Variants in GPR158 observed in about 807,000 individuals in gnomAD.
The protein encoded by GPR158 is metabotropic glycine receptor.
In GPR158, 30 loss-of-function variants were observed where a neutral mutation model predicts 78.2. The observed-to-expected ratio is 0.38, with a 90% CI of 0.29 to 0.52. The LOEUF is 0.52. GPR158 is among the 20% of genes least tolerant of loss of function. GPR158 has a pLI of 0.83. For synonymous variants in GPR158, 581 were observed against 591.1 expected (o/e 0.98, Z 0.25); for missense variants, 1,463 against 1,523.5 (o/e 0.96, Z 0.66).
chr10:25,208,839 TTTCTTTCC>T (rs1167917972), intron 1 of GPR158, among the ~76,000 whole-genome samples: 2 of 150,064 alleles, frequency 1.3e-5, no homozygotes, highest in Non-Finnish European at 2.9e-5. Context: ...TTTTTCTTTC[TTTCTTTCC>T]TTCTTTTTTT....
chr10:25,489,871 T>C (rs1835781552), intron 5 of GPR158, among the ~76,000 whole-genome samples: 1 of 152,128 alleles, frequency 6.6e-6, no homozygotes, highest in Admixed American at 6.6e-5. Flanking sequence ...AAATTAGAAA[T>C]ATAAATGTGA....
In GPR158 at chr10:25,264,980, A is replaced by G. The variant is rs576022905; in HGVS notation, c.1008+43823A>G. ...CACATTTCCTTGCTTTGGGCTATGT[A>G]TATATCACCCTCTCATTGTATCTCA... is the stretch of plus-strand genomic sequence containing the variant. On this transcript the variant is annotated intron_variant, in intron 2 of 10. Coordinates refer to ENST00000376351, the MANE Select transcript of GPR158 (RefSeq NM_020752.3). 9.2e-5 allele frequency among the ~76,000 whole-genome samples: 14 copies of G among 152,334 alleles called. 1 individual carries two copies. In the East Asian group the frequency reaches 2.7e-3, roughly 29 times the overall value.
At chr10:25,283,523 C>G (rs1225960437) in intron 2 of GPR158, among the ~76,000 whole-genome samples, 1 of 151,912 alleles carries the variant, frequency 6.6e-6, no homozygotes, top group Non-Finnish European at 1.5e-5. Context: ...TAATGGAACA[C>G]TAGGCATAAA....
At chr10:25,380,235 C>G (rs372836685) in intron 2 of GPR158, among the ~76,000 whole-genome samples, 1 of 152,152 alleles carries the variant, frequency 6.6e-6, no homozygotes, top group South Asian at 2.1e-4. Flanking sequence ...GTGCTCCTCC[C>G]TCATCCTATA....
chr10:25,594,376 T>A lies in GPR158; in HGVS notation c.1977T>A (p.Ile659=), dbSNP rs1432219659. The A allele has an allele frequency of 6.4e-7, 1 of 1,551,350 alleles. No homozygotes were observed. Among genetic ancestry groups the A allele is most frequent in the Admixed American group, 1.7e-5 (1 of 58,012 alleles). ...AHTHLTVTVT[I]GLLLIPKFSH... ...CTCATTTGACTGTGACAGTCACCAT[T>A]GGGTTGCTTTTGATTCCAAAGGTAT... The change falls in exon 9 of 11, where the codon ATT becomes ATA. Residue 659 remains isoleucine, a synonymous_variant. Coordinates refer to ENST00000376351, the MANE Select transcript of GPR158 (RefSeq NM_020752.3).
chr10:25,207,074 G>A (rs1853051322), intron 1 of GPR158, among the ~76,000 whole-genome samples: 1 of 152,032 alleles, frequency 6.6e-6, no homozygotes, highest in Non-Finnish European at 1.5e-5. Flanking sequence ...TGAACTCAGA[G>A]ATTCACTGCC....
At position 25,588,292 on chromosome 10, in the gene GPR158, G is replaced by A. The variant is rs371975724; in HGVS notation, c.1754-715G>A. ...GCCTAAGATTATGCAAAGTTATTTA[G>A]GGATAGAGCCAGAGTCAGAATCAGA... On this transcript the variant is annotated intron_variant, in intron 7 of 10. Coordinates refer to ENST00000376351, the MANE Select transcript of GPR158 (RefSeq NM_020752.3). Among the ~76,000 whole-genome samples, 7 of 152,298 alleles carry A rather than the reference G, an allele frequency of 4.6e-5. No homozygotes were observed. The East Asian group carries it at 1.2e-3, about 25-fold the overall frequency.
At chr10:25,557,624 T>C (rs558391999) in intron 6 of GPR158, among the ~76,000 whole-genome samples, 6 of 152,228 alleles carry the variant, frequency 3.9e-5, no homozygotes, top group Non-Finnish European at 8.8e-5. Context: ...ACTGGGTTGG[T>C]ATATACATTT....
rs772745398 is a variant in GPR158 at position 25,175,228 on chromosome 10, G to T, written c.-193G>T. ...CGGCCAGCGCTGCCACAGGTGACTT[G>T]ATTTCTGCGACGGTAGCTTAGCCAC... On this transcript the variant is annotated 5_prime_UTR_variant, in exon 1 of 11. Coordinates refer to ENST00000376351, the MANE Select transcript of GPR158 (RefSeq NM_020752.3). The surrounding 1 kb of genome is among the most constrained non-coding windows in gnomAD (Gnocchi z 6.4). 1 of 516,906 alleles carries T rather than the reference G, an allele frequency of 1.9e-6. No individual in the cohort carries two copies. The highest frequency in any genetic ancestry group is 3.4e-6 in the Non-Finnish European group (1 of 295,088). The allele number at this position is 516,906 out of a possible 1,614,324, so 32.0% of individuals were successfully genotyped here. A position where few individuals can be genotyped will look rare whatever the true frequency, so the allele number is the denominator to read the frequency against.
At chr10:25,193,015 T>C (rs758376689) in intron 1 of GPR158, among the ~76,000 whole-genome samples, 1 of 152,194 alleles carries the variant, frequency 6.6e-6, no homozygotes, top group African/African-American at 2.4e-5. Flanking sequence ...ATGTATTAAA[T>C]ACATTTTCAA....
At chr10:25,452,432 C>G (rs1353001500) in intron 4 of GPR158, among the ~76,000 whole-genome samples, 1 of 152,124 alleles carries the variant, frequency 6.6e-6, no homozygotes, top group Admixed American at 6.5e-5. Flanking sequence ...ACAGAAAAAA[C>G]TACAGTAAAT....
intron 2 of GPR158, among the ~76,000 whole-genome samples, chr10:25,259,405 C>A (rs1377672450): frequency 6.6e-6 from 1 of 152,126 alleles, no homozygotes; most frequent in African/African-American, 2.4e-5. Context: ...AGTGCCTGCT[C>A]TTTTGTATAA....
intron 9 of GPR158, among the ~76,000 whole-genome samples, chr10:25,594,890 C>T (rs1356839962): frequency 1.3e-5 from 2 of 152,116 alleles, no homozygotes; most frequent in Admixed American, 1.3e-4. Context: ...TGAGCCAGGA[C>T]TCAGAATACA....
chr10:25,351,773 G>A (rs889460044), intron 2 of GPR158, among the ~76,000 whole-genome samples: 21 of 148,480 alleles, frequency 1.4e-4, no homozygotes, highest in East Asian at 6.0e-4. Flanking sequence ...AGGGGTCCGT[G>A]TGCACGATGT....
intron 8 of GPR158, among the ~76,000 whole-genome samples, chr10:25,590,632 C>T (rs1292596370): frequency 6.6e-6 from 1 of 152,140 alleles, no homozygotes; most frequent in African/African-American, 2.4e-5. Flanking sequence ...TTTTCTACAA[C>T]CAGTTACAAG....
At chr10:25,187,209 C>T (rs1852701471) in intron 1 of GPR158, among the ~76,000 whole-genome samples, 1 of 151,736 alleles carries the variant, frequency 6.6e-6, no homozygotes, top group African/African-American at 2.4e-5. Context: ...TCGTGATCCG[C>T]CTGTCTTGGC....
chr10:25,200,856 G>GTTTTTTT (rs764033840), intron 1 of GPR158, among the ~76,000 whole-genome samples: 2 of 115,408 alleles, frequency 1.7e-5, no homozygotes, highest in Non-Finnish European at 3.6e-5. Flanking sequence ...CTATGTATCT[G>GTTTTTTT]TTTTTTGTTT....
intron 2 of GPR158, among the ~76,000 whole-genome samples, chr10:25,372,778 C>T (rs1175534878): frequency 6.6e-6 from 1 of 150,856 alleles, no homozygotes; most frequent in Non-Finnish European, 1.5e-5. Context: ...TTAGTGGGTG[C>T]AGCAAACAAG....
intron 5 of GPR158, among the ~76,000 whole-genome samples, chr10:25,539,809 G>C (rs1190903498): frequency 1.3e-5 from 2 of 152,026 alleles, no homozygotes; most frequent in African/African-American, 4.8e-5. Context: ...GCTGCATTAG[G>C]TACTTTTGTT....
Sources: allele counts gnomAD v4.1 joint callset (sites outside exome capture counted in the v4.1 genomes callset), GRCh38; gene constraint gnomAD v4.1.1; non-coding constraint Gnocchi (gnomAD v3.1); transcripts MANE v1.5; gene names NCBI Gene and HGNC (gene_info 2026-07-23, HGNC 2026-07-21).